The following AUTS2 variants were observed in gnomAD, a reference collection of about 807,000 sequenced individuals.
The protein encoded by AUTS2 is activator of transcription and developmental regulator AUTS2, also known as autism susceptibility gene 2 protein.
AUTS2 carries 17 observed loss-of-function variants against 112.4 expected under a neutral mutation model. The observed-to-expected ratio is 0.15, with a 90% CI of 0.10 to 0.23. The LOEUF (loss-of-function observed/expected upper bound fraction) is 0.23. AUTS2 is among the 10% of genes least tolerant of loss of function. The probability of loss-of-function intolerance (pLI) is 1.00; values close to 1 mark genes in which losing one functional copy is unlikely to be tolerated. For synonymous variants in AUTS2, 751 were observed against 702.7 expected (o/e 1.07, Z -1.09); for missense variants, 1,510 against 1,701.6 (o/e 0.89, Z 1.98).
At chr7:70,163,544 CAA>C (rs1269293126) in intron 4 of AUTS2, among the ~76,000 whole-genome samples, 1 of 152,096 alleles carries the variant, frequency 6.6e-6, no homozygotes, top group Non-Finnish European at 1.5e-5. Context: ...CTAGTCCTAA[CAA>C]AGATTAGCTG....
chr7:70,663,006 T>A (rs1807148259), intron 5 of AUTS2, among the ~76,000 whole-genome samples: 1 of 152,202 alleles, frequency 6.6e-6, no homozygotes, highest in Non-Finnish European at 1.5e-5. Flanking sequence ...TAAACACTTA[T>A]CCCCATTTTA....
chr7:70,409,180 A>G (rs1047787927), intron 4 of AUTS2, among the ~76,000 whole-genome samples: 10 of 152,230 alleles, frequency 6.6e-5, no homozygotes, highest in African/African-American at 2.4e-4. Flanking sequence ...AAGATTTATC[A>G]CTAAGTATGA....
chr7:70,177,729 T>G (rs1333812395), intron 4 of AUTS2, among the ~76,000 whole-genome samples: 1 of 152,172 alleles, frequency 6.6e-6, no homozygotes, highest in African/African-American at 2.4e-5. Flanking sequence ...TTATGATGTG[T>G]AAGTGATTTA....
chr7:70,313,949 A>C (rs1027532627), intron 4 of AUTS2, among the ~76,000 whole-genome samples: 16 of 152,194 alleles, frequency 1.1e-4, no homozygotes, highest in Admixed American at 7.2e-4. Flanking sequence ...GCATTTTAGC[A>C]CTGGAGACTG....
At chr7:70,512,106 G>GT (rs1799218454) in intron 5 of AUTS2, among the ~76,000 whole-genome samples, 2 of 152,150 alleles carry the variant, frequency 1.3e-5, no homozygotes, top group Admixed American at 1.3e-4. Context: ...ACCTTTTCCT[G>GT]TTTCAGCTGT....
intron 1 of AUTS2, among the ~76,000 whole-genome samples, chr7:69,848,616 A>G (rs1792318884): frequency 6.6e-6 from 1 of 152,124 alleles, no homozygotes; most frequent in African/African-American, 2.4e-5. Context: ...CCCCAGGTAA[A>G]CCCTGTCATT....
intron 2 of AUTS2, among the ~76,000 whole-genome samples, chr7:70,059,678 T>C (rs1802153638): frequency 1.3e-5 from 2 of 152,236 alleles, no homozygotes; most frequent in East Asian, 1.9e-4. Flanking sequence ...GCTGGCACAG[T>C]ATGTGATTTT....
At chr7:69,704,301 G>A (rs201828394) in intron 1 of AUTS2, among the ~76,000 whole-genome samples, 2 of 150,480 alleles carry the variant, frequency 1.3e-5, no homozygotes, top group African/African-American at 2.4e-5. Context: ...TTTTTGAGAC[G>A]GAGTCTCACT....
chr7:70,290,625 G>A, intron 4 of AUTS2: 1 of 1,419,136 alleles, frequency 7.0e-7, no homozygotes, highest in Non-Finnish European at 9.1e-7. Context: ...CTTTTCATTT[G>A]CAGTGTGTTT....
chr7:70,482,332 T>C (rs1797824069), intron 5 of AUTS2, among the ~76,000 whole-genome samples: 1 of 152,176 alleles, frequency 6.6e-6, no homozygotes, highest in South Asian at 2.1e-4. Flanking sequence ...CCTCGTCTTA[T>C]TAGCCCCCAT....
chr7:70,448,074 T>C (rs1295291035), intron 5 of AUTS2, among the ~76,000 whole-genome samples: 1 of 152,210 alleles, frequency 6.6e-6, no homozygotes, highest in Non-Finnish European at 1.5e-5. Flanking sequence ...TAGAATAAAA[T>C]GACTGCAGAT....
At chr7:69,976,701 T>TA (rs1346652922) in intron 2 of AUTS2, among the ~76,000 whole-genome samples, 15 of 152,250 alleles carry the variant, frequency 9.9e-5, no homozygotes. Context: ...CTCTAATGAT[T>TA]AGTGATGTTG....
chr7:70,026,323 G>A (rs926548878), intron 2 of AUTS2, among the ~76,000 whole-genome samples: 3 of 152,192 alleles, frequency 2.0e-5, no homozygotes, highest in Middle Eastern at 3.2e-3. Flanking sequence ...GTCACTGCCA[G>A]CAGCTATTTC....
At chr7:69,934,928 C>T (rs1796353793) in intron 2 of AUTS2, among the ~76,000 whole-genome samples, 1 of 152,150 alleles carries the variant, frequency 6.6e-6, no homozygotes, top group Non-Finnish European at 1.5e-5. Flanking sequence ...TATCCTCTGC[C>T]ATTATGTGCA....
chr7:70,133,800 C>T (rs564572437), intron 3 of AUTS2, among the ~76,000 whole-genome samples: 1 of 152,244 alleles, frequency 6.6e-6, no homozygotes, highest in South Asian at 2.1e-4. Context: ...GGGGGGGCTT[C>T]TTTTCCCAAA....
chr7:70,782,016 A>G (rs1455439067), intron 15 of AUTS2: 1 of 484,638 alleles, frequency 2.1e-6, no homozygotes, highest in East Asian at 3.9e-5. Context: ...TTGCTTCTAT[A>G]TTAAACCAGT....
intron 2 of AUTS2, among the ~76,000 whole-genome samples, chr7:70,082,837 A>C (rs1171804782): frequency 6.6e-6 from 1 of 152,218 alleles, no homozygotes. Context: ...AGCATTTTGT[A>C]TATAAGGTCA....
intron 1 of AUTS2, among the ~76,000 whole-genome samples, chr7:69,601,873 T>C (rs1275381909): frequency 6.6e-6 from 1 of 152,078 alleles, no homozygotes; most frequent in Non-Finnish European, 1.5e-5. Flanking sequence ...TCATCATTGC[T>C]GTCTGTGGTT....
intron 4 of AUTS2, among the ~76,000 whole-genome samples, chr7:70,289,720 T>A (rs1788625039): frequency 6.6e-6 from 1 of 152,220 alleles, no homozygotes; most frequent in South Asian, 2.1e-4. Context: ...GATTTTGGGC[T>A]TCCCTTCTAG....
Sources: allele counts gnomAD v4.1 joint callset (sites outside exome capture counted in the v4.1 genomes callset), GRCh38; gene constraint gnomAD v4.1.1; transcripts MANE v1.5; gene names NCBI Gene and HGNC (gene_info 2026-07-23, HGNC 2026-07-21).